The following EPS15 variants were observed in gnomAD, a reference collection of about 807,000 sequenced individuals.
EPS15 encodes the protein epidermal growth factor receptor pathway substrate 15.
In EPS15, 72 loss-of-function variants were observed where a neutral mutation model predicts 113.8. The observed-to-expected ratio is 0.63, with a 90% CI of 0.52 to 0.77. The LOEUF (loss-of-function observed/expected upper bound fraction) is 0.77, where lower values mean the gene tolerates loss of function less well. Among genes scored for constraint, EPS15 ranks in the 30% least tolerant of loss-of-function variants. EPS15 has a pLI of 0.00. For synonymous variants in EPS15, 344 were observed against 363.4 expected (o/e 0.95, Z 0.61); for missense variants, 1,048 against 1,045.8 (o/e 1.00, Z -0.03).
intron 21 of EPS15, among the ~76,000 whole-genome samples, chr1:51,376,040 A>G (rs956683135): frequency 2.6e-5 from 4 of 152,272 alleles, no homozygotes; most frequent in African/African-American, 9.6e-5. Context: ...ACTAAACAAC[A>G]GATTTTCAAT....
At chr1:51,479,061 T>C (rs893542618) in intron 2 of EPS15, among the ~76,000 whole-genome samples, 6 of 152,232 alleles carry the variant, frequency 3.9e-5, no homozygotes, top group South Asian at 2.1e-4. Flanking sequence ...TTTTCCAACT[T>C]GGTTCCGTTC....
In EPS15 at chr1:51,508,244, G is replaced by GAAAAGAAAAGAAAAGAAA. The variant is rs57780777; in HGVS notation, c.33+10954_33+10955insTTTCTTTTCTTTTCTTTT. On this transcript the variant is annotated intron_variant, in intron 1 of 24. Coordinates refer to ENST00000371733, the MANE Select transcript of EPS15 (RefSeq NM_001981.3). ...AAAAGAAAAGAAAAGAAAAGAAAGA[G>GAAAAGAAAAGAAAAGAAA]AGAAAGAGAGAGAGAGAGAGAGAGA... Among the ~76,000 whole-genome samples, 160 of 48,524 alleles carry GAAAAGAAAAGAAAAGAAA rather than the reference G, an allele frequency of 3.3e-3. 1 individual carries two copies. The highest frequency in any genetic ancestry group is 0.01 in the East Asian group (20 of 1,954). The allele number at this position is 48,524 out of a possible 152,430, so 31.8% of individuals were successfully genotyped here. A position where few individuals can be genotyped will look rare whatever the true frequency, so the allele number is the denominator to read the frequency against.
In EPS15 at chr1:51,363,893, G is replaced by A; in HGVS notation, c.2332C>T (p.Pro778Ser). The A allele has an allele frequency of 6.2e-7, 1 of 1,613,208 alleles. No homozygotes were observed. Among genetic ancestry groups the A allele is most frequent in the Non-Finnish European group, 8.5e-7 (1 of 1,179,522 alleles). Reference sequence around the variant, plus strand: ...GGTGGTAGAGGGCAGGGTCTTGTTGGAGTTCCGATCTTTGGTGGCAGTGCT... The same window carrying A: ...GGTGGTAGAGGGCAGGGTCTTGTTGAAGTTCCGATCTTTGGTGGCAGTGCT... ...PPALPPKIGT[P>S]TRPCPLPPGK... Residue 778 changes from proline to serine, a missense_variant, in exon 23 of 25, where the codon CCA becomes TCA. Transcript: ENST00000371733.
At chr1:51,505,206 A>G (rs1020690486) in intron 1 of EPS15, among the ~76,000 whole-genome samples, 3 of 152,210 alleles carry the variant, frequency 2.0e-5, no homozygotes, top group Admixed American at 6.5e-5. Context: ...GTGAAAACAT[A>G]TATTTACACA....
intron 21 of EPS15, among the ~76,000 whole-genome samples, chr1:51,368,602 T>C (rs1646564461): frequency 6.6e-6 from 1 of 150,880 alleles, no homozygotes; most frequent in Non-Finnish European, 1.5e-5. Context: ...TTGTTTCTTT[T>C]TTTTTTTTTT....
intron 1 of EPS15, among the ~76,000 whole-genome samples, chr1:51,483,907 T>C (rs1644071471): frequency 1.3e-5 from 2 of 151,908 alleles, no homozygotes; most frequent in Non-Finnish European, 2.9e-5. Context: ...ATCTAAGAGT[T>C]TGAGATCAGC....
At chr1:51,485,429 A>G (rs1044301548) in intron 1 of EPS15, among the ~76,000 whole-genome samples, 2 of 152,196 alleles carry the variant, frequency 1.3e-5, no homozygotes, top group Admixed American at 1.3e-4. Context: ...ACCTTTAATC[A>G]AAAGTAAAGT....
chr1:51,379,851 C>G (rs537415854), intron 21 of EPS15, among the ~76,000 whole-genome samples: 1 of 152,198 alleles, frequency 6.6e-6, no homozygotes, highest in East Asian at 1.9e-4. Flanking sequence ...CACTTGAGGT[C>G]AGGAGTTCAA....
At chr1:51,375,296 C>T (rs1646772224) in intron 21 of EPS15, among the ~76,000 whole-genome samples, 2 of 152,052 alleles carry the variant, frequency 1.3e-5, no homozygotes, top group African/African-American at 2.4e-5. Context: ...CCACCGCGCC[C>T]GACTATATTT....
intron 1 of EPS15, among the ~76,000 whole-genome samples, chr1:51,500,209 G>C (rs943391693): frequency 2.0e-5 from 3 of 152,192 alleles, no homozygotes; most frequent in Admixed American, 1.3e-4. Context: ...GGATACTTGA[G>C]TTATTTCTAC....
At chr1:51,449,679 C>A (rs576559997) in intron 8 of EPS15, among the ~76,000 whole-genome samples, 20 of 151,728 alleles carry the variant, frequency 1.3e-4, no homozygotes, top group African/African-American at 4.9e-4. Flanking sequence ...CCACACCACA[C>A]GGAAGACAGA....
Position 51,394,768 on chromosome 1 carries a change from T to G in EPS15, c.2053-321A>C, listed in dbSNP as rs72694176. Reference sequence around the variant, plus strand: ...CCAATACCTCAGAAGTCTTCATGTGTCCCTCTATAATCACAATCCTGACTT... The same window carrying G: ...CCAATACCTCAGAAGTCTTCATGTGGCCCTCTATAATCACAATCCTGACTT... On this transcript the variant is annotated intron_variant, in intron 20 of 24. Coordinates refer to ENST00000371733, the MANE Select transcript of EPS15 (RefSeq NM_001981.3). 1.0e-3 allele frequency among the ~76,000 whole-genome samples: 157 copies of G among 152,320 alleles called. 2 individuals are homozygous for G. The highest frequency in any genetic ancestry group is 0.01 in the Admixed American group (156 of 15,302).
chr1:51,413,500 A>T (rs1033673347), intron 13 of EPS15, among the ~76,000 whole-genome samples: 1 of 152,238 alleles, frequency 6.6e-6, no homozygotes, highest in African/African-American at 2.4e-5. Context: ...AACACGCATG[A>T]GACTGACAGA....
At chr1:51,488,191 T>A (rs560328930) in intron 1 of EPS15, among the ~76,000 whole-genome samples, 1 of 152,300 alleles carries the variant, frequency 6.6e-6, no homozygotes, top group South Asian at 2.1e-4. Context: ...GTGATCAGTA[T>A]ATAAAACTGC....
At chr1:51,494,863 A>G (rs928126873) in intron 1 of EPS15, among the ~76,000 whole-genome samples, 18 of 152,206 alleles carry the variant, frequency 1.2e-4, no homozygotes, top group African/African-American at 4.1e-4. Context: ...TTAGCTAATT[A>G]TATCTGCATC....
intron 13 of EPS15, among the ~76,000 whole-genome samples, chr1:51,414,454 A>G (rs1187599259): frequency 6.6e-6 from 1 of 152,124 alleles, no homozygotes; most frequent in Admixed American, 6.5e-5. Flanking sequence ...ATCTATTTTG[A>G]ATTCCTTACT....
chr1:51,365,176 G>A (rs1353027137), intron 22 of EPS15, among the ~76,000 whole-genome samples: 2 of 152,158 alleles, frequency 1.3e-5, no homozygotes, highest in Non-Finnish European at 2.9e-5. Flanking sequence ...TTTCAAATAT[G>A]TAACAAAAGA....
chr1:51,478,164 A>T (rs1047101352), intron 2 of EPS15, among the ~76,000 whole-genome samples: 1 of 152,126 alleles, frequency 6.6e-6, no homozygotes, highest in Non-Finnish European at 1.5e-5. Context: ...TATATTTAGG[A>T]TAGTTAGCTC....
At chr1:51,497,248 A>G (rs895517377) in intron 1 of EPS15, among the ~76,000 whole-genome samples, 3 of 152,204 alleles carry the variant, frequency 2.0e-5, no homozygotes, top group Non-Finnish European at 4.4e-5. Flanking sequence ...TGCCATCACA[A>G]CTAACTCCTC....
Sources: gnomAD v4.1 joint callset for allele counts (sites outside exome capture counted in the v4.1 genomes callset) on GRCh38, gnomAD v4.1.1 for gene constraint, MANE v1.5 for transcripts, NCBI Gene and HGNC (gene_info 2026-07-23, HGNC 2026-07-21) for gene names.